POU2F2: variants seen among roughly 807,000 people sequenced by gnomAD.
The protein encoded by POU2F2 is POU class 2 homeobox 2.
In POU2F2, 14 loss-of-function variants were observed where a neutral mutation model predicts 63.5. The observed-to-expected ratio is 0.22, with a 90% CI of 0.15 to 0.34. The LOEUF is 0.34. Among genes scored for constraint, POU2F2 ranks in the 10% least tolerant of loss-of-function variants. The pLI, the probability that POU2F2 is intolerant of heterozygous loss-of-function variation, is 1.00. For missense variants in POU2F2, 607 were observed against 815.2 expected, an observed-to-expected ratio of 0.74 and a Z score of 3.11; for synonymous variants, 306 against 348.6, an observed-to-expected ratio of 0.88 and a Z score of 1.36.
chr19:42,179,693 C>T (rs558177794), upstream of POU2F2, among the ~76,000 whole-genome samples: 1 of 152,170 alleles, frequency 6.6e-6, no homozygotes, highest in East Asian at 1.9e-4. Context: ...CGAGAATCAC[C>T]AACTGCCCAC....
At chr19:42,197,302 T>C (rs143434487), upstream of POU2F2, among the ~76,000 whole-genome samples, 6 of 152,306 alleles carry the variant, frequency 3.9e-5, no homozygotes, top group Non-Finnish European at 7.3e-5. Context: ...TCCCACAGTG[T>C]GGCTGGGGGC....
chr19:42,137,681 G>A (rs1357831233), intron 2 of POU2F2, among the ~76,000 whole-genome samples: 2 of 152,168 alleles, frequency 1.3e-5, no homozygotes, highest in African/African-American at 4.8e-5. Context: ...TCATGCCACT[G>A]CACTCCAGCC....
Position 42,087,900 on chromosome 19 carries a change from A to G in POU2F2, c.*3357T>C, listed in dbSNP as rs1044924285. 2 of 152,120 alleles carry G rather than the reference A, an allele frequency of 1.3e-5. No individual in the cohort carries two copies. The highest frequency in any genetic ancestry group is 4.8e-5 in the African/African-American group (2 of 41,388). The allele number at this position is 152,120 out of a possible 1,614,324, so 9.4% of individuals were successfully genotyped here. A position where few individuals can be genotyped will look rare whatever the true frequency, so the allele number is the denominator to read the frequency against. On this transcript the variant is annotated 3_prime_UTR_variant, in exon 15 of 15. Transcript: ENST00000692977. ...GGACACAGGCTCTGTACAGACCACA[A>G]AATAAAAACGATGAGATAGTTTTGT...
intron 1 of POU2F2, among the ~76,000 whole-genome samples, chr19:42,193,665 C>T (rs1209668766): frequency 1.3e-5 from 2 of 152,162 alleles, no homozygotes; most frequent in Non-Finnish European, 2.9e-5. Flanking sequence ...TAAGCCAGCA[C>T]GTTTATGGTA....
intron 5 of POU2F2, among the ~76,000 whole-genome samples, chr19:42,105,481 A>C (rs989478718): frequency 2.0e-5 from 3 of 152,116 alleles, no homozygotes; most frequent in Admixed American, 2.0e-4. Context: ...TTGTTGATTA[A>C]AGTATTTGTT....
In POU2F2 at chr19:42,145,706, A is replaced by G. The variant is rs370283910; in HGVS notation, c.-9+14626T>C. 3.4e-3 allele frequency among the ~76,000 whole-genome samples: 520 copies of G among 152,310 alleles called. 5 individuals carry two copies. The highest frequency in any genetic ancestry group is 0.012 in the African/African-American group (504 of 41,568). Reference sequence around the variant, plus strand: ...TCCCAGCACTCTGGGAGGCCAAGGCAGGTGGATTGCTTGAGGTCAGGAGTT... The same window carrying G: ...TCCCAGCACTCTGGGAGGCCAAGGCGGGTGGATTGCTTGAGGTCAGGAGTT... On this transcript the variant is annotated intron_variant, in intron 2 of 6. Coordinates refer to the POU2F2 transcript ENST00000524801.
intron 1 of POU2F2, among the ~76,000 whole-genome samples, chr19:42,167,112 T>C (rs1280872865): frequency 6.6e-6 from 1 of 152,160 alleles, no homozygotes; most frequent in Non-Finnish European, 1.5e-5. Flanking sequence ...CAAGAAAATA[T>C]ATTTAAGACC....
intron 1 of POU2F2, among the ~76,000 whole-genome samples, chr19:42,171,534 C>T (rs1400867562): frequency 6.6e-6 from 1 of 150,384 alleles, no homozygotes; most frequent in Admixed American, 6.6e-5. Flanking sequence ...CATGAGGGGC[C>T]GTGTCTGTTT....
intron 2 of POU2F2, among the ~76,000 whole-genome samples, chr19:42,146,428 A>G (rs1355471175): frequency 6.6e-6 from 1 of 152,206 alleles, no homozygotes; most frequent in Admixed American, 6.5e-5. Context: ...CCTTCTGCCA[A>G]TATGAACCAT....
chr19:42,160,571 G>A (rs2146786197), intron 1 of POU2F2, among the ~76,000 whole-genome samples: 1 of 152,304 alleles, frequency 6.6e-6, no homozygotes, highest in Admixed American at 6.5e-5. Flanking sequence ...GCCTTCAGTA[G>A]TCACTTCTGG....
chr19:42,133,676 AC>A (rs2033912158), upstream of POU2F2, among the ~76,000 whole-genome samples: 1 of 152,016 alleles, frequency 6.6e-6, no homozygotes, highest in East Asian at 1.9e-4. This position sits in a 1 kb window ranked among gnomAD's most constrained non-coding sequence, Gnocchi z 5.1. Flanking sequence ...ATCTATGTGC[AC>A]AGGCCCCAAC....
In POU2F2 at chr19:42,091,003, T is replaced by G. The variant is rs1372916760; in HGVS notation, c.*254A>C. 8.9e-6 allele frequency: 3 copies of G among 338,184 alleles called. No homozygotes were observed. The highest frequency in any genetic ancestry group is 4.3e-5 in the African/African-American group (2 of 46,828). The allele number at this position is 338,184 out of a possible 1,614,324, so 20.9% of individuals were successfully genotyped here. A position where few individuals can be genotyped will look rare whatever the true frequency, so the allele number is the denominator to read the frequency against. On this transcript the variant is annotated 3_prime_UTR_variant, in exon 15 of 15. Coordinates refer to ENST00000692977, the MANE Select transcript of POU2F2 (RefSeq NM_001394376.1). Reference sequence around the variant, plus strand: ...TTTTTTTGGTTTGTTTTTGGTTTTTTTTTGTTTGTTTTTCACCTCTGGTTC... The same window carrying G: ...TTTTTTTGGTTTGTTTTTGGTTTTTGTTTGTTTGTTTTTCACCTCTGGTTC...
At chr19:42,146,586 C>T (rs534732527) in intron 2 of POU2F2, among the ~76,000 whole-genome samples, 1 of 152,292 alleles carries the variant, frequency 6.6e-6, no homozygotes, top group South Asian at 2.1e-4. Context: ...GGAGCCAACA[C>T]CTTCAAATCT....
At chr19:42,175,432 A>G (rs1369304903) in intron 1 of POU2F2, among the ~76,000 whole-genome samples, 2 of 152,026 alleles carry the variant, frequency 1.3e-5, no homozygotes, top group African/African-American at 4.8e-5. Context: ...AAGAGCTGGC[A>G]ACAGGGGAAA....
chr19:42,139,485 C>A (rs1421975623), intron 2 of POU2F2, among the ~76,000 whole-genome samples: 2 of 151,880 alleles, frequency 1.3e-5, no homozygotes, highest in Non-Finnish European at 2.9e-5. Context: ...CTTGAACATT[C>A]TTTTATTTTA....
At position 42,090,061 on chromosome 19, in the gene POU2F2, G is replaced by A. The variant is rs555563682; in HGVS notation, c.*1196C>T. 1.3e-5 allele frequency: 2 copies of A among 152,756 alleles called. No homozygotes were observed. Among genetic ancestry groups the A allele is most frequent in the Admixed American group, 1.3e-4 (2 of 15,290 alleles). The allele number at this position is 152,756 out of a possible 1,614,324, so 9.5% of individuals were successfully genotyped here. A position where few individuals can be genotyped will look rare whatever the true frequency, so the allele number is the denominator to read the frequency against. ...GAGGAACCCCACCACTGGGGTGTGTGCGTGCGTGCATGTGGGGGGAGGGAG... is the reference window on the plus strand; with the variant it reads ...GAGGAACCCCACCACTGGGGTGTGTACGTGCGTGCATGTGGGGGGAGGGAG... On this transcript the variant is annotated 3_prime_UTR_variant, in exon 15 of 15. Coordinates refer to ENST00000692977, the MANE Select transcript of POU2F2 (RefSeq NM_001394376.1). The surrounding 1 kb of genome is among the most constrained non-coding windows in gnomAD (Gnocchi z 4.4).
At chr19:42,154,036 G>A (rs1374328825) in intron 2 of POU2F2, among the ~76,000 whole-genome samples, 1 of 151,694 alleles carries the variant, frequency 6.6e-6, no homozygotes, top group Non-Finnish European at 1.5e-5. Context: ...TGCTTTGGTG[G>A]ATGCCACCTC....
upstream of POU2F2, chr19:42,177,415 G>C (rs1335971358): frequency 2.0e-5 from 3 of 152,486 alleles, no homozygotes; most frequent in Non-Finnish European, 2.9e-5. Context: ...CAGAGAGAGA[G>C]CGCGAGCGAG....
intron 5 of POU2F2, chr19:42,116,729 G>C: frequency 2.9e-6 from 1 of 343,908 alleles, no homozygotes; most frequent in Non-Finnish European, 5.8e-6. Context: ...AGCTGGATGG[G>C]TTGGGACAAG....
Sources: allele counts gnomAD v4.1 joint callset (sites outside exome capture counted in the v4.1 genomes callset), GRCh38; gene constraint gnomAD v4.1.1; non-coding constraint Gnocchi (gnomAD v3.1); transcripts MANE v1.5; gene names NCBI Gene and HGNC (gene_info 2026-07-23, HGNC 2026-07-21).